B3GALT1: variants seen among roughly 807,000 people sequenced by gnomAD.
B3GALT1 encodes beta-1,3-galactosyltransferase 1.
Under a neutral mutation model 23.2 loss-of-function variants are expected in B3GALT1, and 10 were observed. That is an observed-to-expected ratio of 0.43 (90% CI 0.27 to 0.73). The LOEUF (loss-of-function observed/expected upper bound fraction) is 0.73, where lower values mean the gene tolerates loss of function less well. Ranked by LOEUF, B3GALT1 falls within the 30% of genes least tolerant of loss-of-function variation. The pLI is 0.21. For synonymous variants in B3GALT1, 156 were observed against 141.5 expected, an observed-to-expected ratio of 1.10 and a Z score of -0.73; for missense variants, 299 against 405.4, an observed-to-expected ratio of 0.74 and a Z score of 2.25.
chr2:167,379,953 A>C (rs1559080171), intron 1 of B3GALT1, among the ~76,000 whole-genome samples: 1 of 152,244 alleles, frequency 6.6e-6, no homozygotes, highest in Admixed American at 6.5e-5. Flanking sequence ...CCCCTGTACC[A>C]GGATCTCTGC....
chr2:167,704,486 C>G (rs1427056290), intron 3 of B3GALT1, among the ~76,000 whole-genome samples: 3 of 151,960 alleles, frequency 2.0e-5, no homozygotes, highest in Non-Finnish European at 4.4e-5. Context: ...AAAATAGTAT[C>G]ATACCATGCA....
intron 1 of B3GALT1, among the ~76,000 whole-genome samples, chr2:167,464,613 C>T (rs898665122): frequency 1.3e-5 from 2 of 152,166 alleles, no homozygotes; most frequent in Admixed American, 1.3e-4. Context: ...GTTGATGTGA[C>T]ATTTTTTAGA....
chr2:167,463,044 ACAC>A (rs1022077134), intron 1 of B3GALT1, among the ~76,000 whole-genome samples: 17 of 152,216 alleles, frequency 1.1e-4, no homozygotes, highest in Admixed American at 9.2e-4. Flanking sequence ...CTTCTGGAAA[ACAC>A]CATAAGCCTT....
At position 167,731,951 on chromosome 2, in the gene B3GALT1, C is replaced by G. The variant is rs780413189; in HGVS notation, c.-352+84985C>G. ...TTAGAACTTATTCTACAGACTTTCA[C>G]TTTGCTTTTGACTTATGACGATTTG... On this transcript the variant is annotated intron_variant, in intron 3 of 4. Transcript: ENST00000392690. Among the ~76,000 whole-genome samples, 8 of 152,286 alleles carry G rather than the reference C, an allele frequency of 5.3e-5. No homozygotes were observed. In the South Asian group the frequency reaches 6.2e-4, roughly 12 times the overall value.
chr2:167,345,665 C>T (rs747440958), intron 1 of B3GALT1, among the ~76,000 whole-genome samples: 29 of 152,014 alleles, frequency 1.9e-4, no homozygotes, highest in East Asian at 3.9e-4. Context: ...AATATGTGCT[C>T]GCTGTTATGT....
chr2:167,333,841 G>A lies in B3GALT1; in HGVS notation c.-511+40507G>A, dbSNP rs73972238. On this transcript the variant is annotated intron_variant, in intron 1 of 4. Coordinates refer to ENST00000392690, the MANE Select transcript of B3GALT1 (RefSeq NM_020981.4). ...AAGTTACTGAGAATGGAAGCACAAG[G>A]ACAGATTTAAAAAGGCTTAGAGAAA... Among the ~76,000 whole-genome samples, 333 of 152,130 alleles carry A rather than the reference G, an allele frequency of 2.2e-3. 1 individual carries two copies. The highest frequency in any genetic ancestry group is 7.4e-3 in the African/African-American group (309 of 41,498).
chr2:167,530,671 C>T (rs1162854415), intron 2 of B3GALT1, among the ~76,000 whole-genome samples: 2 of 152,306 alleles, frequency 1.3e-5, no homozygotes, highest in East Asian at 3.9e-4. Flanking sequence ...ACCCTGTAGC[C>T]TGCATGGCAC....
At chr2:167,826,294 C>G (rs1472010488) in intron 4 of B3GALT1, among the ~76,000 whole-genome samples, 4 of 152,090 alleles carry the variant, frequency 2.6e-5, no homozygotes, top group Non-Finnish European at 4.4e-5. Flanking sequence ...GGCCAGGTTT[C>G]CCCTCAAGCC....
At position 167,738,114 on chromosome 2, in the gene B3GALT1, G is replaced by T. The variant is rs149652811; in HGVS notation, c.-351-80558G>T. Among the ~76,000 whole-genome samples the T allele has an allele frequency of 8.5e-5, 13 of 152,254 alleles. No homozygotes were observed. The East Asian group carries it at 2.5e-3, about 29-fold the overall frequency. On this transcript the variant is annotated intron_variant, in intron 3 of 4. Coordinates refer to ENST00000392690, the MANE Select transcript of B3GALT1 (RefSeq NM_020981.4). ...GAGAAAAGAACTTACAATGACAGTA[G>T]TGCAAGCTCTCAGATCTTACACTTG...
chr2:167,539,546 T>C (rs1249289627), intron 2 of B3GALT1, among the ~76,000 whole-genome samples: 3 of 152,298 alleles, frequency 2.0e-5, no homozygotes, highest in Admixed American at 6.5e-5. Flanking sequence ...GGTACTGATA[T>C]ATTTTGTGAG....
At chr2:167,518,619 A>G (rs989010547) in intron 2 of B3GALT1, among the ~76,000 whole-genome samples, 4 of 152,204 alleles carry the variant, frequency 2.6e-5, no homozygotes. Flanking sequence ...ACAAAGTTTT[A>G]TCTCTGTTCG....
At chr2:167,458,728 T>A (rs1050260570) in intron 1 of B3GALT1, among the ~76,000 whole-genome samples, 4 of 152,244 alleles carry the variant, frequency 2.6e-5, no homozygotes, top group Non-Finnish European at 5.9e-5. Context: ...CATCTTTTCA[T>A]GTGCTTATTG....
At chr2:167,506,057 C>CA (rs998383750) in intron 2 of B3GALT1, among the ~76,000 whole-genome samples, 48 of 145,550 alleles carry the variant, frequency 3.3e-4, no homozygotes, top group African/African-American at 6.8e-4. Flanking sequence ...GAGACTCCAC[C>CA]AAAAAAAAAA....
intron 1 of B3GALT1, among the ~76,000 whole-genome samples, chr2:167,353,063 G>T (rs1393006349): frequency 6.6e-6 from 1 of 152,130 alleles, no homozygotes; most frequent in Non-Finnish European, 1.5e-5. Flanking sequence ...TCTCTGTATT[G>T]TAAGTATGTC....
intron 2 of B3GALT1, among the ~76,000 whole-genome samples, chr2:167,529,185 C>T (rs1021846859): frequency 1.3e-5 from 2 of 152,114 alleles, no homozygotes; most frequent in Non-Finnish European, 2.9e-5. Flanking sequence ...CACATACCTT[C>T]CTGGTTTTCC....
chr2:167,835,202 C>A (rs1460662299), intron 4 of B3GALT1, among the ~76,000 whole-genome samples: 1 of 152,142 alleles, frequency 6.6e-6, no homozygotes, highest in East Asian at 1.9e-4. Flanking sequence ...GTGCAGCACA[C>A]CATGCGCGAG....
chr2:167,322,487 G>A (rs1322878970), intron 1 of B3GALT1, among the ~76,000 whole-genome samples: 2 of 151,834 alleles, frequency 1.3e-5, no homozygotes, highest in Non-Finnish European at 2.9e-5. Flanking sequence ...TTTTCTGATC[G>A]ACTTCTGAAC....
At chr2:167,579,837 C>T (rs1342266023) in intron 2 of B3GALT1, among the ~76,000 whole-genome samples, 1 of 152,110 alleles carries the variant, frequency 6.6e-6, no homozygotes, top group Non-Finnish European at 1.5e-5. Context: ...TAAAGTCCCT[C>T]ACCTTTACAC....
At chr2:167,387,971 G>A (rs529289658) in intron 1 of B3GALT1, among the ~76,000 whole-genome samples, 34 of 152,238 alleles carry the variant, frequency 2.2e-4, no homozygotes, top group East Asian at 3.9e-4. Flanking sequence ...ATCACTAATG[G>A]CATTTCCTAA....
Sources: allele counts gnomAD v4.1 joint callset (sites outside exome capture counted in the v4.1 genomes callset), GRCh38; gene constraint gnomAD v4.1.1; transcripts MANE v1.5; gene names NCBI Gene and HGNC (gene_info 2026-07-23, HGNC 2026-07-21).